Variants in TENM2 observed in about 807,000 individuals in gnomAD.
TENM2 encodes teneurin transmembrane protein 2.
In TENM2, 52 loss-of-function variants were observed where a neutral mutation model predicts 245.2. The ratio of observed to expected loss-of-function variants is 0.21; its 90% CI spans 0.17 to 0.27. The LOEUF (loss-of-function observed/expected upper bound fraction) is 0.27, where lower values mean the gene tolerates loss of function less well. Among genes scored for constraint, TENM2 ranks in the 10% least tolerant of loss-of-function variants. TENM2 has a pLI of 1.00. For missense variants in TENM2, 3,046 were observed against 3,666.8 expected (o/e 0.83, Z 4.37); for synonymous variants, 1,363 against 1,438.9 (o/e 0.95, Z 1.19).
chr5:167,324,572 A>C (rs1756973478), intron 1 of TENM2, among the ~76,000 whole-genome samples: 1 of 152,010 alleles, frequency 6.6e-6, no homozygotes, highest in African/African-American at 2.4e-5. Context: ...TTCTCTTTTT[A>C]TTTATGGAAA....
intron 5 of TENM2, among the ~76,000 whole-genome samples, chr5:168,009,229 C>A (rs1393223523): frequency 6.6e-6 from 1 of 152,174 alleles, no homozygotes; most frequent in Non-Finnish European, 1.5e-5. Flanking sequence ...TATACCGTTG[C>A]CCTTTTTGAT....
chr5:167,911,378 A>T (rs1319983020), intron 3 of TENM2, among the ~76,000 whole-genome samples: 10 of 152,008 alleles, frequency 6.6e-5, no homozygotes, highest in Non-Finnish European at 1.3e-4. Flanking sequence ...TACAAAAAAA[A>T]TAGCTGGGCG....
chr5:167,683,323 A>C (rs1756864130), intron 2 of TENM2, among the ~76,000 whole-genome samples: 1 of 150,238 alleles, frequency 6.7e-6, no homozygotes, highest in Non-Finnish European at 1.5e-5. Flanking sequence ...TGCCATTTTT[A>C]TATTAGTTTG....
At chr5:167,655,735 A>G (rs1235520623) in intron 2 of TENM2, among the ~76,000 whole-genome samples, 7 of 152,226 alleles carry the variant, frequency 4.6e-5, no homozygotes, top group Non-Finnish European at 5.9e-5. Flanking sequence ...ATCAAAGTAT[A>G]TGATGGTGTC....
intron 2 of TENM2, among the ~76,000 whole-genome samples, chr5:167,628,215 C>G (rs1778640658): frequency 6.6e-6 from 1 of 152,128 alleles, no homozygotes; most frequent in African/African-American, 2.4e-5. Context: ...GTCGTCGTTG[C>G]TTTTTTCTTC....
intron 2 of TENM2, among the ~76,000 whole-genome samples, chr5:167,427,463 AAGG>A (rs1763901331): frequency 6.6e-6 from 1 of 151,190 alleles, no homozygotes; most frequent in Non-Finnish European, 1.5e-5. Context: ...GAAAAAAAGA[AAGG>A]AAGGAAGGGA....
At chr5:167,214,272 G>A in the TENM2 span, among the ~76,000 whole-genome samples, 1 of 152,152 alleles carries the variant, frequency 6.6e-6, no homozygotes, top group African/African-American at 2.4e-5. Context: ...CTGAAGTCAA[G>A]TAACTCATGA....
chr5:167,046,262 T>C, the TENM2 span, among the ~76,000 whole-genome samples: 6 of 152,072 alleles, frequency 3.9e-5, no homozygotes, highest in South Asian at 4.1e-4. Context: ...TGTAATGGGA[T>C]TTTTTCCCCC....
the TENM2 span, among the ~76,000 whole-genome samples, chr5:167,276,600 G>T: frequency 6.6e-6 from 1 of 152,014 alleles, no homozygotes; most frequent in Non-Finnish European, 1.5e-5. Flanking sequence ...GCATCCACAG[G>T]GGATTGGTTC....
At chr5:167,779,421 A>G (rs1176267718) in intron 2 of TENM2, among the ~76,000 whole-genome samples, 1 of 152,224 alleles carries the variant, frequency 6.6e-6, no homozygotes, top group Non-Finnish European at 1.5e-5. Context: ...CTAGATTTCA[A>G]TGGGGTTAGG....
intron 2 of TENM2, among the ~76,000 whole-genome samples, chr5:167,477,207 C>T (rs533677838): frequency 7.4e-5 from 11 of 149,392 alleles, no homozygotes; most frequent in South Asian, 4.2e-4. Flanking sequence ...TTTACTGCTT[C>T]GCCAAAAGCA....
At chr5:168,226,020 T>C in intron 23 of TENM2, 68 bp from the exon 26 acceptor site, 3 of 1,463,738 alleles carry the variant, frequency 2.0e-6, no homozygotes, top group Non-Finnish European at 2.8e-6. Context: ...CCTGTGAGTC[T>C]TGGGAACACT....
the TENM2 span, among the ~76,000 whole-genome samples, chr5:167,216,198 C>G: frequency 6.6e-6 from 1 of 152,196 alleles, no homozygotes; most frequent in African/African-American, 2.4e-5. Flanking sequence ...TTCAAAGTCC[C>G]CATTAGAACT....
At chr5:167,309,301 A>G (rs1467310846) in intron 1 of TENM2, among the ~76,000 whole-genome samples, 1 of 152,060 alleles carries the variant, frequency 6.6e-6, no homozygotes, top group Non-Finnish European at 1.5e-5. Flanking sequence ...ACAATTCTCT[A>G]CTTTACTATG....
At chr5:168,254,701 A>G (rs1373109993) in intron 27 of TENM2, among the ~76,000 whole-genome samples, 3 of 152,128 alleles carry the variant, frequency 2.0e-5, no homozygotes, top group Non-Finnish European at 4.4e-5. Context: ...TGAGCTAGGG[A>G]GAGAGAGATC....
intron 2 of TENM2, among the ~76,000 whole-genome samples, chr5:167,449,068 A>G (rs982632695): frequency 3.9e-5 from 6 of 152,032 alleles, no homozygotes; most frequent in Non-Finnish European, 8.8e-5. Flanking sequence ...AAAAATTGGT[A>G]TGCAAAAATA....
chr5:168,075,227 G>A (rs1014175690), intron 7 of TENM2, among the ~76,000 whole-genome samples: 1 of 152,092 alleles, frequency 6.6e-6, no homozygotes, highest in Non-Finnish European at 1.5e-5. Context: ...TAGAATAATG[G>A]TCTCCATTTC....
At chr5:168,221,681 C>A (rs1196758368) in intron 23 of TENM2, among the ~76,000 whole-genome samples, 1 of 152,190 alleles carries the variant, frequency 6.6e-6, no homozygotes, top group African/African-American at 2.4e-5. Flanking sequence ...CCAGGACATC[C>A]AACCGTGGAA....
chr5:167,663,141 G>GA (rs1755327913), intron 2 of TENM2, among the ~76,000 whole-genome samples: 2 of 108,478 alleles, frequency 1.8e-5, no homozygotes, highest in Non-Finnish European at 1.9e-5. Context: ...ATGGGGATGG[G>GA]GAGAGAGAGA....
Sources: gnomAD v4.1 joint callset for allele counts (sites outside exome capture counted in the v4.1 genomes callset) on GRCh38, gnomAD v4.1.1 for gene constraint, MANE v1.5 for transcripts, NCBI Gene and HGNC (gene_info 2026-07-23, HGNC 2026-07-21) for gene names.